Variants in SMCO1 observed in about 807,000 individuals in gnomAD.
The protein encoded by SMCO1 is single-pass membrane and coiled-coil domain-containing protein 1.
In SMCO1, 9 loss-of-function variants were observed where a neutral mutation model predicts 7.5. That is an observed-to-expected ratio of 1.20 (90% CI 0.72 to 2.09). The LOEUF (loss-of-function observed/expected upper bound fraction) is 2.09. Among genes scored for constraint, SMCO1 ranks in the 30% most tolerant of loss-of-function variants. The pLI is 0.00. For synonymous variants in SMCO1, 90 were observed against 93.8 expected, an observed-to-expected ratio of 0.96 and a Z score of 0.23; for missense variants, 219 against 253.1, an observed-to-expected ratio of 0.87 and a Z score of 0.91.
At chr3:196,517,712 C>T (rs1436954181), upstream of SMCO1, among the ~76,000 whole-genome samples, 1 of 152,098 alleles carries the variant, frequency 6.6e-6, no homozygotes, top group African/African-American at 2.4e-5. Flanking sequence ...CTCTGTTGCC[C>T]AGGCTGGAGT....
chr3:196,517,366 T>C (rs1049379613), upstream of SMCO1, among the ~76,000 whole-genome samples: 19 of 151,964 alleles, frequency 1.3e-4, no homozygotes, highest in Non-Finnish European at 1.5e-5. Context: ...ACCAGGTGAT[T>C]CTAAGTTGGA....
upstream of SMCO1, among the ~76,000 whole-genome samples, chr3:196,516,028 T>A (rs1191169021): frequency 8.6e-6 from 1 of 115,632 alleles, no homozygotes; most frequent in Non-Finnish European, 1.8e-5. Context: ...TATATATATA[T>A]ATAATTATAT....
upstream of SMCO1, among the ~76,000 whole-genome samples, chr3:196,517,092 G>A (rs961018512): frequency 8.6e-5 from 9 of 104,410 alleles, no homozygotes; most frequent in African/African-American, 2.5e-4. Context: ...GTGACACAGC[G>A]AGACTCCATC....
chr3:196,514,631 C>G (rs763471681), intron 1 of SMCO1, among the ~76,000 whole-genome samples: 20 of 152,202 alleles, frequency 1.3e-4, no homozygotes, highest in Non-Finnish European at 2.8e-4. Context: ...TTTTGTAAAT[C>G]TAGGATTTAG....
At chr3:196,515,512 A>G (rs1388025015), upstream of SMCO1, 4 of 381,944 alleles carry the variant, frequency 1.0e-5, no homozygotes, top group African/African-American at 2.1e-5. Context: ...ATAATTAATG[A>G]CTGTGTACAT....
In SMCO1 at chr3:196,506,936, G is replaced by A. The variant is rs2108659427; in HGVS notation, c.*951C>T. The A allele has an allele frequency of 6.6e-6, 1 of 152,302 alleles. No homozygotes were observed. The highest frequency in any genetic ancestry group is 6.5e-5 in the Admixed American group (1 of 15,292). The allele number at this position is 152,302 out of a possible 1,614,324, so 9.4% of individuals were successfully genotyped here. A position where few individuals can be genotyped will look rare whatever the true frequency, so the allele number is the denominator to read the frequency against. Reference sequence around the variant, plus strand: ...AGAACGGCTCTTGGCAGTGAGAGGGGACCCGAAGGTGGGTTGCTGGCCACG... The same window carrying A: ...AGAACGGCTCTTGGCAGTGAGAGGGAACCCGAAGGTGGGTTGCTGGCCACG... On this transcript the variant is annotated 3_prime_UTR_variant, in exon 3 of 3. Coordinates refer to ENST00000397537, the MANE Select transcript of SMCO1 (RefSeq NM_001077657.3).
upstream of SMCO1, chr3:196,515,429 G>A (rs1733361492): frequency 3.7e-6 from 2 of 544,674 alleles, no homozygotes; most frequent in Admixed American, 3.2e-5. Flanking sequence ...GGACACAGGT[G>A]TCCTGGAATG....
intron 2 of SMCO1, 47 bp from the exon 3 acceptor site, chr3:196,508,378 A>G: frequency 6.8e-7 from 1 of 1,479,402 alleles, no homozygotes; most frequent in Non-Finnish European, 9.1e-7. Context: ...AATATTTTAT[A>G]TAGAAACAGA....
chr3:196,514,831 T>C (rs1733339836), intron 1 of SMCO1, among the ~76,000 whole-genome samples: 1 of 152,152 alleles, frequency 6.6e-6, no homozygotes, highest in African/African-American at 2.4e-5. Context: ...AACCTCCACC[T>C]CCCGGGTTCA....
upstream of SMCO1, chr3:196,515,464 C>T (rs576112466): frequency 4.1e-6 from 2 of 486,782 alleles, no homozygotes; most frequent in East Asian, 7.3e-5. Flanking sequence ...CCTTTGAAAA[C>T]TGAACCATAG....
chr3:196,508,359 G>A, intron 2 of SMCO1, 28 bp from the exon 3 acceptor site: 1 of 1,549,460 alleles, frequency 6.5e-7, no homozygotes, highest in South Asian at 1.2e-5. Flanking sequence ...AGCTTCTTAA[G>A]CGGTCAAAAA....
In SMCO1 at chr3:196,508,168, A is replaced by G; in HGVS notation, c.364T>C (p.Trp122Arg). Residue 122 changes from tryptophan (W) to arginine (R), a missense_variant, in exon 3 of 3, where the codon TGG (tryptophan) becomes CGG (arginine). Transcript: ENST00000397537. ...CCACACTCCTCCAGTATGGACTCCC[A>G]TACAACTCTAACGCGCTTGTTCTTA... is the stretch of plus-strand genomic sequence containing the variant. ...KVKNKRVRVVWESILEECGLQ... is the reference protein window; with the variant it reads ...KVKNKRVRVVRESILEECGLQ... The G allele has an allele frequency of 5.0e-6, 8 of 1,614,166 alleles. No homozygotes were observed. Among genetic ancestry groups the G allele is most frequent in the Non-Finnish European group, 5.9e-6 (7 of 1,180,048 alleles).
At chr3:196,508,361 G>A (rs774043079) in intron 2 of SMCO1, 30 bp from the exon 3 acceptor site, 46 of 1,535,336 alleles carry the variant, frequency 3.0e-5, no homozygotes, top group Non-Finnish European at 3.2e-5. Context: ...CTTCTTAAGC[G>A]GTCAAAAATA....
chr3:196,507,473 G>C lies in SMCO1; in HGVS notation c.*414C>G, dbSNP rs1733075394. ...GTAAAAAATGGATTAACAGTGAAAAGACTTCCTCTTGTCTTTGACCCCTAG... is the reference window on the plus strand; with the variant it reads ...GTAAAAAATGGATTAACAGTGAAAACACTTCCTCTTGTCTTTGACCCCTAG... On this transcript the variant is annotated 3_prime_UTR_variant, in exon 3 of 3. Transcript: ENST00000397537. The C allele has an allele frequency of 6.6e-6, 1 of 152,192 alleles. No homozygotes were observed. Among genetic ancestry groups the C allele is most frequent in the Non-Finnish European group, 1.5e-5 (1 of 68,088 alleles). 9.4% of individuals were successfully genotyped at this position (152,192 alleles called of 1,614,324 possible).
upstream of SMCO1, among the ~76,000 whole-genome samples, chr3:196,518,433 C>A (rs1245992103): frequency 1.3e-5 from 2 of 152,234 alleles, no homozygotes; most frequent in Non-Finnish European, 2.9e-5. Flanking sequence ...TGACAAAGGA[C>A]CCTGGATGTT....
chr3:196,507,730 C>T lies in SMCO1; in HGVS notation c.*157G>A, dbSNP rs1431902150. On this transcript the variant is annotated 3_prime_UTR_variant, in exon 3 of 3. Transcript: ENST00000397537. ...AGAGCTTCTTCATTCTTTTATATGG[C>T]TGCAAAGAAAGTATCTATTGTATCA... 2 of 587,836 alleles carry T rather than the reference C, an allele frequency of 3.4e-6. No individual in the cohort carries two copies. Among genetic ancestry groups the T allele is most frequent in the Non-Finnish European group, 3.0e-6 (1 of 331,754 alleles). 36.4% of individuals were successfully genotyped at this position (587,836 alleles called of 1,614,324 possible).
upstream of SMCO1, chr3:196,515,417 G>C: frequency 1.8e-6 from 1 of 556,462 alleles, no homozygotes; most frequent in Non-Finnish European, 3.2e-6. Flanking sequence ...AACTTATCTC[G>C]TGGACACAGG....
chr3:196,516,968 A>C (rs1424396500), upstream of SMCO1, among the ~76,000 whole-genome samples: 1 of 151,926 alleles, frequency 6.6e-6, no homozygotes, highest in Non-Finnish European at 1.5e-5. Flanking sequence ...GCATGGTGGC[A>C]CACACCTGTA....
chr3:196,514,836 G>C (rs1171517698), intron 1 of SMCO1, among the ~76,000 whole-genome samples: 6 of 152,098 alleles, frequency 3.9e-5, no homozygotes, highest in African/African-American at 1.2e-4. Flanking sequence ...CCACCTCCCG[G>C]GTTCAAGTGA....
Sources: gnomAD v4.1 joint callset for allele counts (sites outside exome capture counted in the v4.1 genomes callset) on GRCh38, gnomAD v4.1.1 for gene constraint, MANE v1.5 for transcripts, NCBI Gene and HGNC (gene_info 2026-07-23, HGNC 2026-07-21) for gene names.